The following EEF1G variants were observed in gnomAD, a reference collection of about 807,000 sequenced individuals.
EEF1G encodes the protein eukaryotic translation elongation factor 1 gamma, also known as elongation factor 1-gamma.
A neutral mutation model predicts 58.3 loss-of-function variants in EEF1G; 14 were observed. That is an observed-to-expected ratio of 0.24 (90% CI 0.16 to 0.38). The LOEUF (loss-of-function observed/expected upper bound fraction) is 0.38, where lower values mean the gene tolerates loss of function less well. Ranked by LOEUF, EEF1G falls within the 10% of genes least tolerant of loss-of-function variation. EEF1G has a pLI of 1.00. For synonymous variants in EEF1G, 180 were observed against 206.8 expected (o/e 0.87, Z 1.11); for missense variants, 322 against 550.1 (o/e 0.59, Z 4.15).
intron 5 of EEF1G, 121 bp downstream of exon 5, chr11:62,570,844 C>G (rs1941618809): frequency 7.2e-7 from 1 of 1,385,958 alleles, no homozygotes; most frequent in South Asian, 1.3e-5. Flanking sequence ...GCATGAGCCA[C>G]TGCACCCACC....
intron 2 of EEF1G, 68 bp from the exon 3 acceptor site, chr11:62,571,969 C>T: frequency 7.3e-7 from 1 of 1,360,774 alleles, no homozygotes; most frequent in Non-Finnish European, 1.0e-6. Flanking sequence ...TACCAGGAGC[C>T]AAACTGCTTT....
In EEF1G at chr11:62,571,992, A is replaced by G. The variant is rs1039572866; in HGVS notation, c.172-91T>C. ...GCCAAACTGCTTTGAAAATACTTAT[A>G]TAAGGCTGATGATTCTCACTATCCA... is the stretch of plus-strand genomic sequence containing the variant. On this transcript the variant is annotated intron_variant, in intron 2 of 9. Coordinates refer to ENST00000329251, the MANE Select transcript of EEF1G (RefSeq NM_001404.5). 6.5e-6 allele frequency: 7 copies of G among 1,071,364 alleles called. No homozygotes were observed. In the African/African-American group the frequency reaches 9.4e-5, roughly 14 times the overall value. The allele number at this position is 1,071,364 out of a possible 1,614,324, so 66.4% of individuals were successfully genotyped here.
chr11:62,561,686 A>C lies in EEF1G; in HGVS notation c.858-1232T>G, dbSNP rs1218515952. ...AAAAAAAAAACAAAAAAAAAACAAA[A>C]AAAAAAAAAACAACCAAAAAACACA... On this transcript the variant is annotated intron_variant, in intron 7 of 9. Transcript: ENST00000329251. 7.8e-4 allele frequency among the ~76,000 whole-genome samples: 116 copies of C among 149,122 alleles called. 3 individuals carry two copies. The South Asian group carries it at 0.013, about 17-fold the overall frequency.
chr11:62,564,410 G>T (rs1941531772), intron 7 of EEF1G, among the ~76,000 whole-genome samples: 1 of 145,166 alleles, frequency 6.9e-6, no homozygotes, highest in African/African-American at 2.6e-5. Context: ...ACTGCAGTAA[G>T]CCGAGATCAC....
At chr11:62,572,941 G>A (rs1941653691) in intron 1 of EEF1G, 199 bp from the exon 2 acceptor site, 1 of 448,318 alleles carries the variant, frequency 2.2e-6, no homozygotes, top group South Asian at 5.0e-5. Context: ...CACACCAACT[G>A]CTAAATAAAG....
At chr11:62,569,102 C>G (rs114404029) in intron 5 of EEF1G, among the ~76,000 whole-genome samples, 3,734 of 150,806 alleles carry the variant, frequency 0.025, 97 homozygotes, top group African/African-American at 0.064. Context: ...CACACACACA[C>G]CCCCCACACC....
rs933785027 is a variant in EEF1G, at chr11:62,566,807, T to C, written c.856A>G (p.Ser286Gly). The C allele has an allele frequency of 2.5e-6, 4 of 1,613,414 alleles. No individual in the cohort carries two copies. Among genetic ancestry groups the C allele is most frequent in the East Asian group, 2.2e-5 (1 of 44,890 alleles). The change falls in exon 7 of 10, where the codon AGT becomes GGT. Residue 286 changes from serine (S) to glycine (G), a missense_variant and splice_region_variant. Physicochemically the swap from Ser to Gly is moderately conservative, Grantham distance 56. Around this residue, in one of 3 missense-constraint regions of EEF1G, gnomAD observed 208 missense variants for 323.7 expected, o/e 0.64. Coordinates refer to ENST00000329251, the MANE Select transcript of EEF1G (RefSeq NM_001404.5). ...CCCTCCACCCTCCAATATCCTTACC[T>C]CTTGGGCAGGTGAGCGAAGGGGTCC... ...AKDPFAHLPKSTFVLDEFKRK... is the reference protein window; with the variant it reads ...AKDPFAHLPKGTFVLDEFKRK...
At chr11:62,563,408 T>C (rs954290024) in intron 7 of EEF1G, among the ~76,000 whole-genome samples, 4 of 152,184 alleles carry the variant, frequency 2.6e-5, no homozygotes, top group Admixed American at 6.5e-5. Context: ...AGTGCTGGGA[T>C]CACAGGCGTG....
At chr11:62,572,282 C>A (rs1391828305) in intron 2 of EEF1G, among the ~76,000 whole-genome samples, 1 of 152,158 alleles carries the variant, frequency 6.6e-6, no homozygotes, top group Non-Finnish European at 1.5e-5. Flanking sequence ...TCTCTATAAA[C>A]CCCTTGGGGT....
intron 1 of EEF1G, 36 bp downstream of exon 1, chr11:62,573,795 T>C (rs371074771): frequency 1.2e-6 from 2 of 1,613,174 alleles, no homozygotes; most frequent in Non-Finnish European, 1.7e-6. Flanking sequence ...TGGCGGTGGA[T>C]AGGATGACCC....
At chr11:62,572,384 T>G (rs2134297541) in intron 2 of EEF1G, among the ~76,000 whole-genome samples, 200 bp downstream of exon 2, 1 of 152,362 alleles carries the variant, frequency 6.6e-6, no homozygotes, top group East Asian at 1.9e-4. Context: ...AACTCGTGAA[T>G]TTTATAAAGT....
rs745876893 is a variant in EEF1G at position 62,560,214 on chromosome 11, A to G, written c.1031-21T>C. The G allele has an allele frequency of 2.5e-6, 4 of 1,613,900 alleles. No homozygotes were observed. In the East Asian group the frequency reaches 8.9e-5, roughly 36 times the overall value. ...CATTCCTGAAGCGGCAAGGGAGAAC[A>G]TTCAGCCTTTGGAATCACAGCACTT... On this transcript the variant is annotated intron_variant, in intron 8 of 9. Transcript: ENST00000329251.
chr11:62,560,010 C>T (rs1941477071), intron 9 of EEF1G, 59 bp downstream of exon 9: 3 of 1,610,680 alleles, frequency 1.9e-6, no homozygotes, highest in South Asian at 1.1e-5. Flanking sequence ...AAATAAAACA[C>T]AGTGCTTCTT....
At position 62,573,851 on chromosome 11, in the gene EEF1G, C is replaced by G; in HGVS notation, c.-9G>C. The G allele has an allele frequency of 6.2e-7, 1 of 1,613,736 alleles. No homozygotes were observed. Among genetic ancestry groups the G allele is most frequent in the Non-Finnish European group, 8.5e-7 (1 of 1,179,852 alleles). ...CTTACCCCAGCCGCCATGGTGATTCCGCAAAGAAAGGGGGTGGGGTTCTCG... is the reference window on the plus strand; with the variant it reads ...CTTACCCCAGCCGCCATGGTGATTCGGCAAAGAAAGGGGGTGGGGTTCTCG... On this transcript the variant is annotated 5_prime_UTR_variant, in exon 1 of 10. Transcript: ENST00000329251.
intron 7 of EEF1G, among the ~76,000 whole-genome samples, chr11:62,560,731 T>A (rs1282040888): frequency 1.3e-5 from 2 of 152,120 alleles, no homozygotes; most frequent in Non-Finnish European, 2.9e-5. Context: ...TGCCCCCAGG[T>A]GGAGACAGAG....
chr11:62,566,445 G>A, intron 7 of EEF1G, among the ~76,000 whole-genome samples: 1 of 152,174 alleles, frequency 6.6e-6, no homozygotes, highest in African/African-American at 2.4e-5. Flanking sequence ...CGCACCGCAA[G>A]GCTCTCTGCA....
At chr11:62,560,611 G>C (rs942377767) in intron 7 of EEF1G, among the ~76,000 whole-genome samples, 157 bp from the exon 8 acceptor site, 1 of 152,202 alleles carries the variant, frequency 6.6e-6, no homozygotes, top group African/African-American at 2.4e-5. Flanking sequence ...AGCTCAAGGG[G>C]TTTGAACAGG....
At chr11:62,570,050 A>T (rs1209069614) in intron 5 of EEF1G, among the ~76,000 whole-genome samples, 2 of 151,980 alleles carry the variant, frequency 1.3e-5, no homozygotes, top group African/African-American at 4.8e-5. Flanking sequence ...TGTCTCCAAA[A>T]GAGCTTAAAG....
At chr11:62,572,806 C>T in intron 1 of EEF1G, 64 bp from the exon 2 acceptor site, 3 of 1,470,464 alleles carry the variant, frequency 2.0e-6, no homozygotes, top group Non-Finnish European at 2.8e-6. Flanking sequence ...ATGCCACTCT[C>T]CAGGATGACT....
Sources: allele counts gnomAD v4.1 joint callset (sites outside exome capture counted in the v4.1 genomes callset), GRCh38; gene constraint gnomAD v4.1.1; regional missense constraint gnomAD v4.1.1; transcripts MANE v1.5; gene names NCBI Gene and HGNC (gene_info 2026-07-23, HGNC 2026-07-21).